The following HNF1A variants were observed in gnomAD, a reference collection of about 807,000 sequenced individuals.
HNF1A encodes the protein hepatocyte nuclear factor 1-alpha.
Under a neutral mutation model 62.2 loss-of-function variants are expected in HNF1A, and 21 were observed. The ratio of observed to expected loss-of-function variants is 0.34; its 90% CI spans 0.24 to 0.49. The LOEUF is 0.49. Among genes scored for constraint, HNF1A ranks in the 20% least tolerant of loss-of-function variants. The pLI is 0.99. For missense variants in HNF1A, 687 were observed against 832.3 expected (o/e 0.83, Z 2.15); for synonymous variants, 374 against 366.8 (o/e 1.02, Z -0.22).
intron 2 of HNF1A, among the ~76,000 whole-genome samples, chr12:120,989,424 A>C (rs1178595650): frequency 1.3e-5 from 2 of 151,946 alleles, no homozygotes; most frequent in African/African-American, 4.8e-5. Flanking sequence ...TGCCTGGCTA[A>C]TTTTTTGTAG....
In HNF1A at chr12:120,999,360, G is replaced by C; in HGVS notation, c.1594G>C (p.Ala532Pro). Reference protein sequence around the residue: ...MLITDTTNLSALASLTPTKQV... With the variant: ...MLITDTTNLSPLASLTPTKQV... ...CATCACCGACACCACCAACCTGAGC[G>C]CCCTGGCCAGCCTCACGCCCACCAA... The change falls in exon 8 of 10, where the codon GCC becomes CCC. Residue 532 changes from alanine to proline, a missense_variant. Transcript: ENST00000257555. The C allele has an allele frequency of 6.2e-7, 1 of 1,613,934 alleles. No homozygotes were observed. The highest frequency in any genetic ancestry group is 8.5e-7 in the Non-Finnish European group (1 of 1,180,006).
intron 7 of HNF1A, among the ~76,000 whole-genome samples, chr12:120,998,926 C>CGCTTAGCACGTAGCACCCGT (rs1877263669): frequency 1.3e-5 from 2 of 152,170 alleles, no homozygotes; most frequent in South Asian, 4.1e-4. Flanking sequence ...GTAGCACCTG[C>CGCTTAGCACGTAGCACCCGT]GCTTAGTACG....
At chr12:120,990,211 G>T (rs367958147) in intron 2 of HNF1A, among the ~76,000 whole-genome samples, 4 of 151,668 alleles carry the variant, frequency 2.6e-5, no homozygotes, top group Non-Finnish European at 5.9e-5. Flanking sequence ...GCGTGATCTC[G>T]GCTCACTGCA....
chr12:120,984,449 G>C lies in HNF1A; in HGVS notation c.327-4384G>C, dbSNP rs892133306. 5.3e-5 allele frequency among the ~76,000 whole-genome samples: 8 copies of C among 152,220 alleles called. No individual in the cohort carries two copies. The East Asian group carries it at 1.5e-3, about 29-fold the overall frequency. ...CAGGAGAGGCTCTCAAGAGGTGAGA[G>C]GAAGACTGACCCTATTCTCTTTGTG... On this transcript the variant is annotated intron_variant, in intron 1 of 9. Coordinates refer to ENST00000257555, the MANE Select transcript of HNF1A (RefSeq NM_000545.8).
intron 7 of HNF1A, chr12:120,997,952 C>T: frequency 1.6e-6 from 1 of 623,256 alleles, no homozygotes; most frequent in South Asian, 1.9e-5. Context: ...CTCTTAGGGC[C>T]ATATGAATTT....
chr12:120,996,254 C>T lies in HNF1A; in HGVS notation c.956-8C>T, dbSNP rs762339992. The T allele has an allele frequency of 6.2e-7, 1 of 1,613,962 alleles. No homozygotes were observed. The highest frequency in any genetic ancestry group is 1.7e-5 in the Admixed American group (1 of 60,030). On this transcript the variant is annotated splice_polypyrimidine_tract_variant and splice_region_variant and intron_variant, in intron 4 of 9. Coordinates refer to ENST00000257555, the MANE Select transcript of HNF1A (RefSeq NM_000545.8). This position sits in a 1 kb window ranked among gnomAD's most constrained non-coding sequence, Gnocchi z 4.5. ...GGTGCTGAGGCAGGACACTGCTTCC[C>T]TCTCCAGGTGTGCGCTATGGACAGC...
intron 4 of HNF1A, among the ~76,000 whole-genome samples, chr12:120,994,973 A>G (rs1179593728): frequency 6.7e-6 from 1 of 150,326 alleles, no homozygotes; most frequent in Non-Finnish European, 1.5e-5. Context: ...CATCCCATCC[A>G]GTACATTCAA....
chr12:121,000,782 TAGCCA>T, intron 9 of HNF1A: 1 of 479,044 alleles, frequency 2.1e-6, no homozygotes, highest in East Asian at 3.9e-5. Flanking sequence ...TGACTCAGCC[TAGCCA>T]AGCCAACACG....
rs774868435 is a variant in HNF1A at position 121,001,188 on chromosome 12, A to G, written c.1892A>G (p.Gln631Arg). ...TCCACCCAGATGGCCTCTTCCTCCC[A>G]GTAACCACGGCACCTGGGCCCTGGG... ...FISTQMASSS[Q>R] The change falls in exon 10 of 10, where the codon CAG becomes CGG. Residue 631 changes from glutamine to arginine, a missense_variant. Gln to Arg is a conservative substitution (Grantham distance 43, BLOSUM62 1). Around this residue, in one of 5 missense-constraint regions of HNF1A, gnomAD observed 408 missense variants for 455.3 expected, o/e 0.90. Transcript: ENST00000257555. 4 of 1,613,898 alleles carry G rather than the reference A, an allele frequency of 2.5e-6. No individual in the cohort carries two copies. Among genetic ancestry groups the G allele is most frequent in the Middle Eastern group, 1.6e-4 (1 of 6,084 alleles).
At chr12:120,989,753 C>T (rs555885232) in intron 2 of HNF1A, among the ~76,000 whole-genome samples, 2 of 152,294 alleles carry the variant, frequency 1.3e-5, no homozygotes, top group East Asian at 3.9e-4. Context: ...GGGTGCTGAG[C>T]TGACTGTCGA....
chr12:120,995,569 A>G (rs1877055995), intron 4 of HNF1A, among the ~76,000 whole-genome samples: 1 of 143,664 alleles, frequency 7.0e-6, no homozygotes, highest in African/African-American at 2.6e-5. Context: ...CACATACTCC[A>G]CCATTCCAGT....
Position 120,994,372 on chromosome 12 carries a change from C to T in HNF1A, c.922C>T (p.Pro308Ser), listed in dbSNP as rs2135842630. 1 of 1,593,930 alleles carries T rather than the reference C, an allele frequency of 6.3e-7. No individual in the cohort carries two copies. The highest frequency in any genetic ancestry group is 8.5e-7 in the Non-Finnish European group (1 of 1,170,190). Residue 308 changes from proline (P) to serine (S), a missense_variant, in exon 4 of 10, where the codon CCT (proline) becomes TCT (serine). Physicochemically the swap from Pro to Ser is moderately conservative, Grantham distance 74 (BLOSUM62 -1). Coordinates refer to ENST00000257555, the MANE Select transcript of HNF1A (RefSeq NM_000545.8). ...GCCCGCTCACAGCTCCCCTGGCCTGCCTCCACCTGCCCTCTCCCCCAGTAA... is the reference window on the plus strand; with the variant it reads ...GCCCGCTCACAGCTCCCCTGGCCTGTCTCCACCTGCCCTCTCCCCCAGTAA... ...ALPAHSSPGL[P>S]PPALSPSKVH...
intron 6 of HNF1A, 82 bp from the exon 7 acceptor site, chr12:120,997,392 A>T: frequency 6.9e-7 from 1 of 1,445,724 alleles, no homozygotes; most frequent in Non-Finnish European, 9.2e-7. Flanking sequence ...TCTGGGAAGG[A>T]GAGGTGGTGC....
At chr12:120,993,467 C>G in intron 2 of HNF1A, 53 bp from the exon 3 acceptor site, 1 of 1,562,798 alleles carries the variant, frequency 6.4e-7, no homozygotes, top group Non-Finnish European at 8.8e-7. Context: ...GGGGAATGGA[C>G]GTGGGAAGGT....
intron 1 of HNF1A, among the ~76,000 whole-genome samples, chr12:120,981,776 ATTTG>A (rs1876260880): frequency 6.6e-6 from 1 of 152,062 alleles, no homozygotes; most frequent in African/African-American, 2.4e-5. Flanking sequence ...TGATCATCTG[ATTTG>A]TTTGTTTTCT....
At chr12:120,990,392 G>C (rs1876761714) in intron 2 of HNF1A, among the ~76,000 whole-genome samples, 1 of 152,182 alleles carries the variant, frequency 6.6e-6, no homozygotes, top group African/African-American at 2.4e-5. Flanking sequence ...GCCTCCCAAA[G>C]CGCTGGGATT....
At chr12:120,988,490 A>C (rs376841194) in intron 1 of HNF1A, among the ~76,000 whole-genome samples, 7 of 152,290 alleles carry the variant, frequency 4.6e-5, no homozygotes, top group African/African-American at 1.7e-4. Flanking sequence ...TCACCCATCC[A>C]TCCATCCACA....
intron 2 of HNF1A, 67 bp from the exon 3 acceptor site, chr12:120,993,453 G>C (rs920380364): frequency 1.3e-6 from 2 of 1,513,724 alleles, no homozygotes; most frequent in East Asian, 4.5e-5. Context: ...CAAGGGCAAG[G>C]TCAGGGGAAT....
At position 120,996,891 on chromosome 12, in the gene HNF1A, C is replaced by T; in HGVS notation, c.1309+149C>T. 6.6e-7 allele frequency: 1 copy of T among 1,510,350 alleles called. No individual in the cohort carries two copies. The highest frequency in any genetic ancestry group is 9.0e-7 in the Non-Finnish European group (1 of 1,111,160). 93.6% of individuals were successfully genotyped at this position (1,510,350 alleles called of 1,614,324 possible). A position where few individuals can be genotyped will look rare whatever the true frequency, so the allele number is the denominator to read the frequency against. On this transcript the variant is annotated intron_variant, in intron 6 of 9. Coordinates refer to ENST00000257555, the MANE Select transcript of HNF1A (RefSeq NM_000545.8). This position sits in a 1 kb window ranked among gnomAD's most constrained non-coding sequence, Gnocchi z 4.5. ...CTACTCTGGACCAGTCACTGTGCTACATCAGTGATACCTGGGTGAACCAAA... is the reference window on the plus strand; with the variant it reads ...CTACTCTGGACCAGTCACTGTGCTATATCAGTGATACCTGGGTGAACCAAA...
Sources: allele counts gnomAD v4.1 joint callset (sites outside exome capture counted in the v4.1 genomes callset), GRCh38; gene constraint gnomAD v4.1.1; regional missense constraint gnomAD v4.1.1; non-coding constraint Gnocchi (gnomAD v3.1); transcripts MANE v1.5; gene names NCBI Gene and HGNC (gene_info 2026-07-23, HGNC 2026-07-21).